WWOX: variants seen among roughly 807,000 people sequenced by gnomAD.
WWOX encodes the protein WW domain-containing oxidoreductase.
A neutral mutation model predicts 46.2 loss-of-function variants in WWOX; 69 were observed. The observed-to-expected ratio is 1.49, with a 90% confidence interval of 1.23 to 1.82. WWOX has a LOEUF of 1.82. Among genes scored for constraint, WWOX ranks in the 40% most tolerant of loss-of-function variants. The pLI is 0.00. For synonymous variants in WWOX, 359 were observed against 202.6 expected (o/e 1.77, Z -6.56); for missense variants, 919 against 542.6 (o/e 1.69, Z -6.89).
At chr16:78,825,629 C>T (rs749039248) in intron 8 of WWOX, 6 of 517,396 alleles carry the variant, frequency 1.2e-5, no homozygotes, top group Non-Finnish European at 2.3e-5. Flanking sequence ...TGCGGAGGGC[C>T]TGCGATGGTG....
At chr16:78,903,276 G>T (rs1355133458) in intron 8 of WWOX, among the ~76,000 whole-genome samples, 1 of 152,204 alleles carries the variant, frequency 6.6e-6, no homozygotes, top group Non-Finnish European at 1.5e-5. Flanking sequence ...AGGCTGAAGT[G>T]AAGTTACAAA....
intron 8 of WWOX, among the ~76,000 whole-genome samples, chr16:78,827,107 A>T (rs1029432131): frequency 6.6e-6 from 1 of 152,122 alleles, no homozygotes; most frequent in Non-Finnish European, 1.5e-5. Context: ...TCTCCTCTCC[A>T]GAACTCCAGG....
chr16:78,565,765 C>G (rs184321182), intron 8 of WWOX, among the ~76,000 whole-genome samples: 1 of 152,290 alleles, frequency 6.6e-6, no homozygotes, highest in Admixed American at 6.5e-5. Flanking sequence ...CAATATCCTC[C>G]AGGCTATCCG....
At chr16:78,861,518 A>C (rs567196634) in intron 8 of WWOX, among the ~76,000 whole-genome samples, 3 of 152,268 alleles carry the variant, frequency 2.0e-5, no homozygotes, top group South Asian at 4.2e-4. Context: ...AAATTTACCA[A>C]AGTAAATGCA....
chr16:78,881,148 A>G (rs753689450), intron 8 of WWOX, among the ~76,000 whole-genome samples: 2 of 151,784 alleles, frequency 1.3e-5, no homozygotes, highest in African/African-American at 2.4e-5. Context: ...GCACACCACC[A>G]TGCCTGCCCA....
intron 8 of WWOX, among the ~76,000 whole-genome samples, chr16:78,681,986 G>C (rs1248272029): frequency 6.6e-6 from 1 of 152,140 alleles, no homozygotes; most frequent in Non-Finnish European, 1.5e-5. Context: ...ACAGCTCTCA[G>C]ACCACAGTTG....
At chr16:78,620,659 G>C (rs1466993307) in intron 8 of WWOX, among the ~76,000 whole-genome samples, 1 of 151,728 alleles carries the variant, frequency 6.6e-6, no homozygotes, top group Non-Finnish European at 1.5e-5. Context: ...TGATGCACTT[G>C]TACTGCACAA....
chr16:78,422,782 TATACACAC>T (rs2082974067), intron 6 of WWOX, among the ~76,000 whole-genome samples: 1 of 117,584 alleles, frequency 8.5e-6, no homozygotes, highest in Non-Finnish European at 1.6e-5. Flanking sequence ...CACATATATA[TATACACAC>T]ACACATATAT....
At chr16:78,102,536 AG>A (rs1451051498) in intron 1 of WWOX, among the ~76,000 whole-genome samples, 1 of 152,208 alleles carries the variant, frequency 6.6e-6, no homozygotes, top group African/African-American at 2.4e-5. Flanking sequence ...GACGGAGGCA[AG>A]CTCCTGAGCG....
chr16:78,431,182 G>C (rs892105469), intron 7 of WWOX, among the ~76,000 whole-genome samples: 2 of 152,194 alleles, frequency 1.3e-5, no homozygotes, highest in African/African-American at 4.8e-5. Flanking sequence ...GGTGTTTAAC[G>C]ACTCCGTCAG....
At chr16:79,151,349 T>A (rs2050274694) in intron 8 of WWOX, among the ~76,000 whole-genome samples, 1 of 152,186 alleles carries the variant, frequency 6.6e-6, no homozygotes, top group Non-Finnish European at 1.5e-5. Flanking sequence ...CCAGCAGGTG[T>A]TGTGTGGATT....
intron 8 of WWOX, among the ~76,000 whole-genome samples, chr16:78,601,025 C>T (rs1008518540): frequency 1.3e-5 from 2 of 152,146 alleles, no homozygotes; most frequent in Non-Finnish European, 2.9e-5. Flanking sequence ...GCACCCTCAA[C>T]CTCGTTCAGT....
rs570964941 is a variant in WWOX at position 79,142,691 on chromosome 16, T to C, written c.1057-68917T>C. Among the ~76,000 whole-genome samples the C allele has an allele frequency of 5.9e-5, 9 of 152,104 alleles. No homozygotes were observed. The South Asian group carries it at 1.5e-3, about 25-fold the overall frequency. On this transcript the variant is annotated intron_variant, in intron 8 of 8. Transcript: ENST00000566780. The stretch of plus-strand genomic sequence containing the variant: ...GAAATATAAGAAGTGCCTGGATCAG[T>C]TTTTGTTTTTGTTTTGTTTCTTTTT...
At chr16:79,197,420 T>C (rs1011929863) in intron 8 of WWOX, among the ~76,000 whole-genome samples, 5 of 152,170 alleles carry the variant, frequency 3.3e-5, no homozygotes, top group Non-Finnish European at 7.4e-5. Flanking sequence ...AGAGTATTCA[T>C]ACCATGGGAA....
chr16:79,017,479 A>G (rs1236981047), intron 8 of WWOX: 1 of 143,454 alleles, frequency 7.0e-6, no homozygotes, highest in Non-Finnish European at 1.5e-5. Flanking sequence ...AAGAAATTAC[A>G]GGTAGGCTAG....
chr16:78,222,270 G>A (rs570617056), intron 5 of WWOX, among the ~76,000 whole-genome samples: 8 of 151,618 alleles, frequency 5.3e-5, no homozygotes, highest in Admixed American at 4.6e-4. Context: ...CATTTCCAAC[G>A]CGTATTTCTT....
intron 8 of WWOX, among the ~76,000 whole-genome samples, chr16:78,600,711 A>G (rs1238029551): frequency 6.6e-6 from 1 of 152,188 alleles, no homozygotes; most frequent in Non-Finnish European, 1.5e-5. Flanking sequence ...GCAAGACAAT[A>G]GGGCCATGAA....
intron 5 of WWOX, among the ~76,000 whole-genome samples, chr16:78,374,973 A>G (rs1217672849): frequency 1.6e-4 from 24 of 152,196 alleles, no homozygotes; most frequent in Admixed American, 1.6e-3. Flanking sequence ...GGCGTGAGCC[A>G]CTGCGCCTGT....
At chr16:78,424,807 A>C in intron 6 of WWOX, 63 bp from the exon 7 acceptor site, 1 of 1,587,636 alleles carries the variant, frequency 6.3e-7, no homozygotes, top group East Asian at 2.2e-5. Context: ...TTCCCGAAGG[A>C]GCATGGATTA....
Sources: gnomAD v4.1 joint callset for allele counts (sites outside exome capture counted in the v4.1 genomes callset) on GRCh38, gnomAD v4.1.1 for gene constraint, MANE v1.5 for transcripts, NCBI Gene and HGNC (gene_info 2026-07-23, HGNC 2026-07-21) for gene names.